RELB: variants seen among roughly 807,000 people sequenced by gnomAD.
The protein encoded by RELB is transcription factor RelB.
Under a neutral mutation model 55.4 loss-of-function variants are expected in RELB, and 14 were observed. The ratio of observed to expected loss-of-function variants is 0.25; its 90% confidence interval spans 0.17 to 0.40. RELB has a LOEUF of 0.40. RELB is among the 10% of genes least tolerant of loss of function. The pLI is 1.00. For missense variants in RELB, 669 were observed against 830.7 expected (o/e 0.81, Z 2.39); for synonymous variants, 409 against 371.3 (o/e 1.10, Z -1.17).
At chr19:45,022,316 T>C in intron 5 of RELB, 106 bp downstream of exon 5, 1 of 1,123,984 alleles carries the variant, frequency 8.9e-7, no homozygotes, top group South Asian at 1.5e-5. Context: ...GGGTAAACCC[T>C]CCCCACTGCC....
At chr19:45,019,740 C>G (rs6509175) in intron 4 of RELB, among the ~76,000 whole-genome samples, 99,513 of 151,890 alleles carry the variant, frequency 0.66, 32,743 homozygotes, top group East Asian at 0.8. Flanking sequence ...TGCAATGGCA[C>G]GATCTGGGCC....
intron 3 of RELB, among the ~76,000 whole-genome samples, 196 bp from the exon 4 acceptor site, chr19:45,011,740 C>A (rs1294716712): frequency 4.1e-5 from 6 of 145,208 alleles, no homozygotes; most frequent in Non-Finnish European, 9.0e-5. Flanking sequence ...AGCCACCGCA[C>A]CTGGCCTCCC....
intron 2 of RELB, among the ~76,000 whole-genome samples, chr19:45,004,891 C>T (rs568262589): frequency 7.9e-5 from 12 of 151,594 alleles, no homozygotes; most frequent in East Asian, 3.9e-4. Flanking sequence ...AAAAAACAGC[C>T]GGCCGTGGTG....
intron 4 of RELB, among the ~76,000 whole-genome samples, chr19:45,017,927 G>A (rs991373745): frequency 5.3e-5 from 8 of 150,868 alleles, no homozygotes; most frequent in South Asian, 2.1e-4. Context: ...TTGCAGGCAC[G>A]AACCACCGTG....
At chr19:45,034,639 A>G in intron 11 of RELB, 111 bp downstream of exon 11, 1 of 835,338 alleles carries the variant, frequency 1.2e-6, no homozygotes, top group Non-Finnish European at 1.9e-6. Flanking sequence ...AAGGCGAGTC[A>G]CTCAGCACTT....
intron 2 of RELB, chr19:45,003,711 G>A (rs899484449): frequency 3.0e-5 from 14 of 468,344 alleles, no homozygotes; most frequent in Non-Finnish European, 5.5e-5. Flanking sequence ...GAATAACAGT[G>A]CCTCTCTTTC....
rs182718156 is a variant in RELB, at chr19:45,011,890, T to G, written c.164-46T>G. On this transcript the variant is annotated intron_variant, in intron 3 of 11. Transcript: ENST00000221452. ...ATCAAGCCTTTTTTTTTTTTTTTAATTTTTTAAAGAATGGGCGTCACCACC... is the reference window on the plus strand; with the variant it reads ...ATCAAGCCTTTTTTTTTTTTTTTAAGTTTTTAAAGAATGGGCGTCACCACC... 1.2e-3 allele frequency: 1,559 copies of G among 1,284,578 alleles called. 9 individuals carry two copies. The African/African-American group carries it at 0.018, about 15-fold the overall frequency. The allele number at this position is 1,284,578 out of a possible 1,614,324, so 79.6% of individuals were successfully genotyped here.
intron 8 of RELB, among the ~76,000 whole-genome samples, chr19:45,030,761 C>T (rs2063074445): frequency 6.6e-6 from 1 of 152,162 alleles, no homozygotes; most frequent in Non-Finnish European, 1.5e-5. Flanking sequence ...GGTGCCACCG[C>T]ACTGCAGCCT....
Position 45,012,048 on chromosome 19 carries a change from G to A in RELB, c.276G>A (p.Thr92=), listed in dbSNP as rs749656851. 6.4e-7 allele frequency: 1 copy of A among 1,566,410 alleles called. No homozygotes were observed. Residue 92 remains threonine, a synonymous_variant, in exon 4 of 12, where the codon ACG becomes ACA. Coordinates refer to ENST00000221452, the MANE Select transcript of RELB (RefSeq NM_006509.4). ...LVSRGAASLS[T]VTLGPVAPPA... ...CTCGCGGGGCTGCGTCCCTGAGCAC[G>A]GTCACCCTGGGCCCTGTGGCGCCCC...
In RELB at chr19:45,037,399, C is replaced by G. The variant is rs748166930; in HGVS notation, c.1355-6C>G. ...CACTACACTTCTCTTGTCTTCATCCCCGTAGGCCCGTTCCTCCCGCCGTCA... is the reference window on the plus strand; with the variant it reads ...CACTACACTTCTCTTGTCTTCATCCGCGTAGGCCCGTTCCTCCCGCCGTCA... On this transcript the variant is annotated splice_region_variant and splice_polypyrimidine_tract_variant and intron_variant, in intron 11 of 11. Transcript: ENST00000221452. 2 of 1,558,572 alleles carry G rather than the reference C, an allele frequency of 1.3e-6. No homozygotes were observed. Among genetic ancestry groups the G allele is most frequent in the Non-Finnish European group, 1.7e-6 (2 of 1,160,134 alleles).
At chr19:45,001,975 C>T (rs2122373121) in intron 1 of RELB, among the ~76,000 whole-genome samples, 1 of 148,074 alleles carries the variant, frequency 6.8e-6, no homozygotes, top group South Asian at 2.2e-4. Flanking sequence ...GGAGCGAAAG[C>T]TGCTCTTGGG....
chr19:45,026,030 A>G (rs1217006712), intron 7 of RELB, among the ~76,000 whole-genome samples: 2 of 152,094 alleles, frequency 1.3e-5, no homozygotes, highest in Non-Finnish European at 2.9e-5. Context: ...TCACCTGAGA[A>G]GTCAGGAGTT....
At chr19:45,005,690 G>A (rs949871960) in intron 2 of RELB, among the ~76,000 whole-genome samples, 14 of 152,074 alleles carry the variant, frequency 9.2e-5, no homozygotes, top group South Asian at 8.3e-4. Flanking sequence ...TGCAACCTCC[G>A]CCTCCCAGGT....
At chr19:45,009,955 T>C in intron 3 of RELB, 133 bp downstream of exon 3, 1 of 918,128 alleles carries the variant, frequency 1.1e-6, no homozygotes, top group Non-Finnish European at 1.7e-6. Flanking sequence ...GTGGAGGGAT[T>C]TGAACGAAGT....
chr19:45,030,175 A>G (rs1271829523), intron 8 of RELB, among the ~76,000 whole-genome samples: 2 of 151,160 alleles, frequency 1.3e-5, no homozygotes, highest in Non-Finnish European at 2.9e-5. Context: ...TCAAAAAATC[A>G]AAACCAAAAA....
At chr19:45,029,669 T>C (rs1421522178) in intron 8 of RELB, among the ~76,000 whole-genome samples, 1 of 151,760 alleles carries the variant, frequency 6.6e-6, no homozygotes, top group Non-Finnish European at 1.5e-5. Context: ...CCCAACATGG[T>C]GAAACCCCAT....
At position 45,023,393 on chromosome 19, in the gene RELB, T is replaced by TTTCCTTCCTTCCTTCCTTCCTTCC. The variant is rs58473606; in HGVS notation, c.662+1200_662+1223dup. On this transcript the variant is annotated intron_variant, in intron 5 of 11. Transcript: ENST00000221452. ...CATTGGTGTTTAATTTGCAGTTTTC[T>TTTCCTTCCTTCCTTCCTTCCTTCC]TTCCTTCCTTCCTTCCTTCCTTCCT... 3.1e-3 allele frequency among the ~76,000 whole-genome samples: 455 copies of TTTCCTTCCTTCCTTCCTTCCTTCC among 144,674 alleles called. 4 individuals are homozygous for TTTCCTTCCTTCCTTCCTTCCTTCC. The highest frequency in any genetic ancestry group is 6.8e-3 in the Middle Eastern group (2 of 292). The allele number at this position is 144,674 out of a possible 152,430, so 94.9% of individuals were successfully genotyped here.
At chr19:45,014,969 C>T (rs1971405685) in intron 4 of RELB, among the ~76,000 whole-genome samples, 1 of 147,700 alleles carries the variant, frequency 6.8e-6, no homozygotes, top group Non-Finnish European at 1.5e-5. Context: ...GTGGTGTGAT[C>T]TCAGCTCACT....
At chr19:45,025,472 TTCC>T in intron 6 of RELB, 52 bp downstream of exon 6, 1 of 1,571,292 alleles carries the variant, frequency 6.4e-7, no homozygotes. Flanking sequence ...ACCCCTTGAC[TTCC>T]GTGCTCACCC....
Sources: gnomAD v4.1 joint callset for allele counts (sites outside exome capture counted in the v4.1 genomes callset) on GRCh38, gnomAD v4.1.1 for gene constraint, MANE v1.5 for transcripts, NCBI Gene and HGNC (gene_info 2026-07-23, HGNC 2026-07-21) for gene names.